The following BICRAL variants were observed in gnomAD, a reference collection of about 807,000 sequenced individuals.
BICRAL encodes the protein BRD4-interacting chromatin-remodeling complex-associated protein-like.
BICRAL carries 8 observed loss-of-function variants against 91.8 expected under a neutral mutation model. That is an observed-to-expected ratio of 0.09 (90% confidence interval 0.05 to 0.16). The LOEUF is 0.16. Ranked by LOEUF, BICRAL falls within the 10% of genes least tolerant of loss-of-function variation. The pLI, the probability that BICRAL is intolerant of heterozygous loss-of-function variation, is 1.00. For missense variants in BICRAL, 1,038 were observed against 1,310.9 expected, an observed-to-expected ratio of 0.79 and a Z score of 3.21; for synonymous variants, 445 against 491.1, an observed-to-expected ratio of 0.91 and a Z score of 1.24.
rs1581645977 is a variant in BICRAL, at chr6:42,866,724, A to AT, written c.*1279dup. The AT allele has an allele frequency of 4.5e-6, 2 of 445,900 alleles. No homozygotes were observed. Among genetic ancestry groups the AT allele is most frequent in the East Asian group, 1.4e-4 (2 of 14,362 alleles). 27.6% of individuals were successfully genotyped at this position (445,900 alleles called of 1,614,324 possible). On this transcript the variant is annotated 3_prime_UTR_variant, in exon 13 of 13. Transcript: ENST00000314073. ...CATGGTTTCTGTTTGGCCTGTGTTC[A>AT]TATTAGTGAGCATGGCTTACTGCTT...
intron 1 of BICRAL, among the ~76,000 whole-genome samples, chr6:42,786,916 T>C (rs1195760813): frequency 3.0e-5 from 4 of 134,320 alleles, no homozygotes; most frequent in Admixed American, 1.4e-4. Flanking sequence ...CTATAGGTCG[T>C]CTTGTATTAC....
intron 5 of BICRAL, among the ~76,000 whole-genome samples, chr6:42,824,789 C>T (rs1449520267): frequency 1.3e-5 from 2 of 152,198 alleles, no homozygotes; most frequent in Non-Finnish European, 2.9e-5. Flanking sequence ...ATGAGTAACA[C>T]TTGAGCATTT....
At chr6:42,817,890 A>G (rs996011682) in intron 2 of BICRAL, among the ~76,000 whole-genome samples, 2 of 151,292 alleles carry the variant, frequency 1.3e-5, no homozygotes, top group Non-Finnish European at 2.9e-5. Flanking sequence ...CTGTAGGCCC[A>G]GCTACTTAGG....
Position 42,756,928 on chromosome 6 carries a change from C to CCA in BICRAL, c.-261+9906_-261+9907insAC, listed in dbSNP as rs1381506415. ...TCTCTCTCTCTCCCTCTCCCCCCCCCCCACCCTCCCTCTCTCCCTCTCTCT... is the reference window on the plus strand; with the variant it reads ...TCTCTCTCTCTCCCTCTCCCCCCCCCCACCACCCTCCCTCTCTCCCTCTCTCT... On this transcript the variant is annotated intron_variant, in intron 1 of 14. Transcript: ENST00000614467. 6.2e-3 allele frequency among the ~76,000 whole-genome samples: 660 copies of CCA among 107,004 alleles called. 8 individuals are homozygous for CCA. The highest frequency in any genetic ancestry group is 0.022 in the African/African-American group (642 of 28,680). The allele number at this position is 107,004 out of a possible 152,430, so 70.2% of individuals were successfully genotyped here.
intron 12 of BICRAL, among the ~76,000 whole-genome samples, chr6:42,863,411 G>T (rs1392411472): frequency 6.6e-6 from 1 of 152,156 alleles, no homozygotes; most frequent in East Asian, 1.9e-4. Context: ...CTCACTCACA[G>T]ACGCAGCTCC....
intron 1 of BICRAL, among the ~76,000 whole-genome samples, chr6:42,800,598 A>G (rs976269330): frequency 1.3e-5 from 2 of 148,584 alleles, no homozygotes; most frequent in Non-Finnish European, 3.0e-5. Context: ...CGCCCAGGCT[A>G]GAGTGCAGTG....
chr6:42,756,012 C>T (rs1168060091), intron 1 of BICRAL, among the ~76,000 whole-genome samples: 5 of 152,112 alleles, frequency 3.3e-5, no homozygotes, highest in Non-Finnish European at 7.4e-5. Context: ...TCTCTCTTTT[C>T]TTTGGCATCT....
Position 42,868,512 on chromosome 6 carries a change from A to G in BICRAL, c.*3066A>G, listed in dbSNP as rs1396500310. ...GTTAGGAAATGTTTAGTTGGAGATT[A>G]CAAATTGAAACAACCATTGCAATAC... On this transcript the variant is annotated 3_prime_UTR_variant, in exon 13 of 13. Transcript: ENST00000314073. The G allele has an allele frequency of 6.6e-6, 1 of 152,660 alleles. No homozygotes were observed. The highest frequency in any genetic ancestry group is 1.5e-5 in the Non-Finnish European group (1 of 68,046). The allele number at this position is 152,660 out of a possible 1,614,324, so 9.5% of individuals were successfully genotyped here.
intron 1 of BICRAL, among the ~76,000 whole-genome samples, chr6:42,809,853 C>G (rs993626485): frequency 6.6e-6 from 1 of 152,078 alleles, no homozygotes; most frequent in Admixed American, 6.6e-5. Context: ...GTGGCATGAT[C>G]CTACCTCACT....
At chr6:42,765,077 G>A (rs574724277) in intron 1 of BICRAL, among the ~76,000 whole-genome samples, 4 of 152,188 alleles carry the variant, frequency 2.6e-5, no homozygotes, top group African/African-American at 4.8e-5. Context: ...TCATTACAAC[G>A]CTGTAGCAAT....
At chr6:42,800,046 A>G (rs573770414) in intron 1 of BICRAL, among the ~76,000 whole-genome samples, 2 of 151,760 alleles carry the variant, frequency 1.3e-5, no homozygotes, top group Admixed American at 6.6e-5. Context: ...CATTCGGGTA[A>G]TTTTTGGGTT....
At chr6:42,784,355 T>A (rs1202682262) in intron 1 of BICRAL, among the ~76,000 whole-genome samples, 1 of 152,190 alleles carries the variant, frequency 6.6e-6, no homozygotes, top group African/African-American at 2.4e-5. Flanking sequence ...GGGAAAGGTC[T>A]ATAAAGCTCT....
In BICRAL at chr6:42,824,589, G is replaced by A. The variant is rs114392494; in HGVS notation, c.159+1586G>A. On this transcript the variant is annotated intron_variant, in intron 5 of 12. Transcript: ENST00000314073. ...GAACTCCTGATCTCAAGTGATCCCC[G>A]CCCCATTACAGGCGTGAGCCACTGC... Among the ~76,000 whole-genome samples, 1,071 of 152,200 alleles carry A rather than the reference G, an allele frequency of 7.0e-3. 5 individuals are homozygous for A. Among genetic ancestry groups the A allele is most frequent in the African/African-American group, 0.023 (942 of 41,542 alleles).
At position 42,865,021 on chromosome 6, in the gene BICRAL, G is replaced by A. The variant is rs372997907; in HGVS notation, c.2815G>A (p.Gly939Arg). The change falls in exon 13 of 13, where the codon GGG becomes AGG. Residue 939 changes from glycine (G) to arginine (R), a missense_variant. Gly to Arg is a moderately radical substitution (Grantham distance 125, BLOSUM62 -2). Around this residue, in one of 5 missense-constraint regions of BICRAL, gnomAD observed 294 missense variants for 292.6 expected, o/e 1.00. Coordinates refer to ENST00000314073, the MANE Select transcript of BICRAL (RefSeq NM_001393499.1). ...CAGTCAGTGCTCTCCCGGCCCTGAG[G>A]GGCACCGGAAAACCTCATCCAGATC... Reference protein sequence around the residue: ...KASQCSPGPEGHRKTSSRSDH... With the variant: ...KASQCSPGPERHRKTSSRSDH... 1 of 1,613,892 alleles carries A rather than the reference G, an allele frequency of 6.2e-7. No homozygotes were observed. The highest frequency in any genetic ancestry group is 1.3e-5 in the African/African-American group (1 of 74,918).
At chr6:42,763,033 C>G (rs371301239) in intron 1 of BICRAL, among the ~76,000 whole-genome samples, 1 of 152,126 alleles carries the variant, frequency 6.6e-6, no homozygotes, top group African/African-American at 2.4e-5. Flanking sequence ...GTAAACTCCT[C>G]GAGGGAGCCT....
chr6:42,782,112 C>A lies in BICRAL; in HGVS notation c.-102+11C>A. On this transcript the variant is annotated intron_variant, in intron 1 of 12. Coordinates refer to ENST00000314073, the MANE Select transcript of BICRAL (RefSeq NM_001393499.1). ...TGCTTTTTCATGACGGTGAGTTTCC[C>A]TTTGAGTGTATTATAATTTTGTGAT... The A allele has an allele frequency of 6.7e-6, 1 of 149,842 alleles. No individual in the cohort carries two copies. 9.3% of individuals were successfully genotyped at this position (149,842 alleles called of 1,614,324 possible).
chr6:42,768,607 A>T (rs908482974), intron 1 of BICRAL, among the ~76,000 whole-genome samples: 2 of 152,220 alleles, frequency 1.3e-5, no homozygotes, highest in Non-Finnish European at 2.9e-5. Flanking sequence ...CTCCAAAGCT[A>T]GAAAGCCAGC....
At chr6:42,824,377 C>T (rs558609682) in intron 5 of BICRAL, among the ~76,000 whole-genome samples, 120 of 152,188 alleles carry the variant, frequency 7.9e-4, no homozygotes, top group African/African-American at 2.7e-3. Context: ...CGGAATCTTG[C>T]TCTGTTGCCC....
intron 1 of BICRAL, among the ~76,000 whole-genome samples, chr6:42,759,524 A>G (rs1022795230): frequency 6.6e-6 from 1 of 152,240 alleles, no homozygotes; most frequent in African/African-American, 2.4e-5. Context: ...GAGACTAGAC[A>G]GGACTCAGTG....
Sources: allele counts gnomAD v4.1 joint callset (sites outside exome capture counted in the v4.1 genomes callset), GRCh38; gene constraint gnomAD v4.1.1; regional missense constraint gnomAD v4.1.1; transcripts MANE v1.5; gene names NCBI Gene and HGNC (gene_info 2026-07-23, HGNC 2026-07-21).